TBC1D14: variants seen among roughly 807,000 people sequenced by gnomAD.
TBC1D14 encodes TBC1 domain family, member 14.
A neutral mutation model predicts 79.0 loss-of-function variants in TBC1D14; 26 were observed. The observed-to-expected ratio is 0.33, with a 90% CI of 0.24 to 0.46. The LOEUF (loss-of-function observed/expected upper bound fraction) is 0.46, where lower values mean the gene tolerates loss of function less well. Among genes scored for constraint, TBC1D14 ranks in the 20% least tolerant of loss-of-function variants. The pLI, the probability that TBC1D14 is intolerant of heterozygous loss-of-function variation, is 1.00. For synonymous variants in TBC1D14, 394 were observed against 349.9 expected (o/e 1.13, Z -1.40); for missense variants, 769 against 887.6 (o/e 0.87, Z 1.70).
chr4:7,005,313 A>G (rs922460514), intron 8 of TBC1D14, among the ~76,000 whole-genome samples: 2 of 152,144 alleles, frequency 1.3e-5, no homozygotes, highest in African/African-American at 4.8e-5. Flanking sequence ...AGGCGGGTGG[A>G]TCACAAGGTC....
intron 5 of TBC1D14, among the ~76,000 whole-genome samples, chr4:6,997,515 A>G (rs1489866209): frequency 1.3e-5 from 2 of 152,172 alleles, no homozygotes; most frequent in South Asian, 4.1e-4. Context: ...AGTCCCAGCT[A>G]CTTGGGAGGC....
At chr4:6,962,169 G>A (rs958658120) in intron 2 of TBC1D14, among the ~76,000 whole-genome samples, 2 of 152,206 alleles carry the variant, frequency 1.3e-5, no homozygotes, top group Non-Finnish European at 2.9e-5. Flanking sequence ...GGGCTAGGTA[G>A]GAGGTGAGAT....
chr4:6,921,133 G>C (rs1723820592), intron 1 of TBC1D14, among the ~76,000 whole-genome samples: 2 of 152,144 alleles, frequency 1.3e-5, no homozygotes, highest in African/African-American at 4.8e-5. Context: ...CAGTGTGCTG[G>C]GGCTGTGCTC....
At chr4:6,999,035 T>C (rs1463768262) in intron 5 of TBC1D14, 50 bp from the exon 6 acceptor site, 3 of 1,573,356 alleles carry the variant, frequency 1.9e-6, no homozygotes, top group Admixed American at 3.4e-5. Flanking sequence ...TGCCTGGAAA[T>C]GGTCCATATC....
rs567438557 is a variant in TBC1D14, at chr4:6,923,975, G to C, written c.586G>C (p.Asp196His). The change falls in exon 2 of 14, where the codon GAT becomes CAT. Residue 196 changes from aspartate to histidine, a missense_variant. By Grantham distance (81) the Asp-to-His change is moderately conservative (BLOSUM62 -1). Coordinates refer to ENST00000409757, the MANE Select transcript of TBC1D14 (RefSeq NM_020773.3). ...TGCCATTGTGACCCTGGAGAATGACGATGACCCACAGTTTACCAACGTCAC... is the reference window on the plus strand; with the variant it reads ...TGCCATTGTGACCCTGGAGAATGACCATGACCCACAGTTTACCAACGTCAC... ...SSAIVTLEND[D>H]DPQFTNVTLS... is the part of the protein sequence containing the mutation. 4 of 1,614,018 alleles carry C rather than the reference G, an allele frequency of 2.5e-6. No individual in the cohort carries two copies. The highest frequency in any genetic ancestry group is 1.7e-6 in the Non-Finnish European group (2 of 1,180,026).
chr4:7,005,977 T>C (rs1318138368), intron 8 of TBC1D14, among the ~76,000 whole-genome samples: 5 of 152,224 alleles, frequency 3.3e-5, no homozygotes, highest in Non-Finnish European at 7.3e-5. Flanking sequence ...TACTGATCAT[T>C]TTTACAGTCT....
rs529020444 is a variant in TBC1D14 at position 6,958,374 on chromosome 4, T to TACACACACAC, written c.723-8929_723-8928insCACACACACA. Among the ~76,000 whole-genome samples the TACACACACAC allele has an allele frequency of 9.0e-3, 379 of 42,292 alleles. 1 individual carries two copies. Among genetic ancestry groups the TACACACACAC allele is most frequent in the African/African-American group, 0.034 (290 of 8,632 alleles). 27.7% of individuals were successfully genotyped at this position (42,292 alleles called of 152,430 possible). On this transcript the variant is annotated intron_variant, in intron 2 of 13. Transcript: ENST00000409757. ...AAGGGTGATACACGTGATCCCCACATATACACACACACACACACACACACA... is the reference window on the plus strand; with the variant it reads ...AAGGGTGATACACGTGATCCCCACATACACACACACATACACACACACACACACACACACA...
At chr4:6,989,694 T>TA (rs1345718527) in intron 3 of TBC1D14, among the ~76,000 whole-genome samples, 1 of 152,128 alleles carries the variant, frequency 6.6e-6, no homozygotes, top group Non-Finnish European at 1.5e-5. Flanking sequence ...CCTTCACAAA[T>TA]TAGTTTCCTC....
chr4:6,991,550 A>G (rs543328185), intron 3 of TBC1D14, among the ~76,000 whole-genome samples: 1 of 152,322 alleles, frequency 6.6e-6, no homozygotes, highest in African/African-American at 2.4e-5. Flanking sequence ...TGCCTCAGGT[A>G]GCCTGCATCC....
chr4:6,963,852 AGT>A (rs1715463186), intron 2 of TBC1D14, among the ~76,000 whole-genome samples: 2 of 152,184 alleles, frequency 1.3e-5, no homozygotes, highest in African/African-American at 4.8e-5. Flanking sequence ...CTTGGAGTGC[AGT>A]GGTGTGATCT....
intron 11 of TBC1D14, among the ~76,000 whole-genome samples, chr4:7,012,025 G>A (rs1402074472): frequency 6.6e-6 from 1 of 152,010 alleles, no homozygotes; most frequent in East Asian, 1.9e-4. Flanking sequence ...GGTTGGCCGG[G>A]CATGGTGGCT....
intron 2 of TBC1D14, among the ~76,000 whole-genome samples, chr4:6,959,338 C>A (rs1300253181): frequency 2.0e-5 from 3 of 152,160 alleles, no homozygotes; most frequent in African/African-American, 7.2e-5. Flanking sequence ...TTCTTTTTAT[C>A]ATATTTAATC....
At chr4:7,027,406 AC>A (rs779057582) in intron 13 of TBC1D14, among the ~76,000 whole-genome samples, 157 of 100,700 alleles carry the variant, frequency 1.6e-3, no homozygotes, top group Non-Finnish European at 2.6e-3. Context: ...CCACACAATC[AC>A]CCCCCACACA....
chr4:7,012,129 G>A (rs1720841421), intron 11 of TBC1D14, among the ~76,000 whole-genome samples: 1 of 151,668 alleles, frequency 6.6e-6, no homozygotes, highest in Non-Finnish European at 1.5e-5. Flanking sequence ...GTGAAACCCC[G>A]TCTCTACTAA....
At chr4:6,987,978 G>A (rs1157341671) in intron 3 of TBC1D14, among the ~76,000 whole-genome samples, 1 of 152,232 alleles carries the variant, frequency 6.6e-6, no homozygotes, top group Non-Finnish European at 1.5e-5. Flanking sequence ...GGGGACTGCA[G>A]CTTGTTAAAG....
chr4:7,029,228 C>T (rs1212121369), intron 13 of TBC1D14, among the ~76,000 whole-genome samples: 1 of 152,228 alleles, frequency 6.6e-6, no homozygotes. Context: ...TGCCATTATT[C>T]CTTTTCTGCA....
chr4:7,020,109 A>G (rs1216379926), intron 12 of TBC1D14, among the ~76,000 whole-genome samples: 1 of 148,540 alleles, frequency 6.7e-6, no homozygotes, highest in East Asian at 2.0e-4. Flanking sequence ...TGGGGCACAG[A>G]GGTTGGTATG....
chr4:6,925,691 C>T (rs1046199264), intron 2 of TBC1D14, among the ~76,000 whole-genome samples: 1 of 152,172 alleles, frequency 6.6e-6, no homozygotes, highest in Non-Finnish European at 1.5e-5. Flanking sequence ...CAGCGATTGC[C>T]CTCAGTGGGA....
chr4:6,969,039 A>C (rs1715980177), intron 3 of TBC1D14, among the ~76,000 whole-genome samples: 1 of 152,176 alleles, frequency 6.6e-6, no homozygotes. Context: ...CACATGCCAC[A>C]TTCTTCACGC....
Sources: allele counts gnomAD v4.1 joint callset (sites outside exome capture counted in the v4.1 genomes callset), GRCh38; gene constraint gnomAD v4.1.1; transcripts MANE v1.5; gene names NCBI Gene and HGNC (gene_info 2026-07-23, HGNC 2026-07-21).